The following RPS6KA2 variants were observed in gnomAD, a reference collection of about 807,000 sequenced individuals.
RPS6KA2 encodes ribosomal protein S6 kinase A2.
A neutral mutation model predicts 91.8 loss-of-function variants in RPS6KA2; 42 were observed. The ratio of observed to expected loss-of-function variants is 0.46; its 90% CI spans 0.36 to 0.59. The LOEUF is 0.59. RPS6KA2 is among the 20% of genes least tolerant of loss of function. The pLI is 0.00. For missense variants in RPS6KA2, 798 were observed against 978.5 expected, an observed-to-expected ratio of 0.82 and a Z score of 2.46; for synonymous variants, 414 against 393.6, an observed-to-expected ratio of 1.05 and a Z score of -0.61.
At chr6:166,670,476 T>A (rs759991962) in intron 2 of RPS6KA2, among the ~76,000 whole-genome samples, 20 of 152,232 alleles carry the variant, frequency 1.3e-4, no homozygotes, top group Non-Finnish European at 2.4e-4. Context: ...TGGGGGTAAT[T>A]TGTTATGTAC....
intron 2 of RPS6KA2, among the ~76,000 whole-genome samples, chr6:166,848,560 A>G (rs1025003628): frequency 1.3e-5 from 2 of 152,226 alleles, no homozygotes; most frequent in Admixed American, 6.5e-5. Flanking sequence ...ATACCATGGA[A>G]TACTACTCAG....
intron 2 of RPS6KA2, among the ~76,000 whole-genome samples, chr6:166,790,275 G>A (rs186868125): frequency 8.5e-5 from 13 of 152,270 alleles, no homozygotes; most frequent in Middle Eastern, 3.4e-3. Context: ...GATGGAAGAC[G>A]AAATGAATGA....
At chr6:166,764,024 A>C (rs1778239587) in intron 2 of RPS6KA2, among the ~76,000 whole-genome samples, 2 of 152,216 alleles carry the variant, frequency 1.3e-5, no homozygotes, top group Non-Finnish European at 2.9e-5. Flanking sequence ...GTTCGGCTAG[A>C]AAGAATGCGA....
At position 166,495,202 on chromosome 6, in the gene RPS6KA2, C is replaced by T. The variant is rs1043392518; in HGVS notation, c.747+3306G>A. Among the ~76,000 whole-genome samples the T allele has an allele frequency of 1.3e-5, 2 of 152,152 alleles. No homozygotes were observed. The highest frequency in any genetic ancestry group is 2.9e-5 in the Non-Finnish European group (2 of 68,038). On this transcript the variant is annotated intron_variant, in intron 8 of 20. Transcript: ENST00000265678. This position sits in a 1 kb window ranked among gnomAD's most constrained non-coding sequence, Gnocchi z 4.4. ...CAGAAAGAATACCGTCTTTCCTGCCCGGCTTGGAGATTGTTGGGTTGAGAT... is the reference window on the plus strand; with the variant it reads ...CAGAAAGAATACCGTCTTTCCTGCCTGGCTTGGAGATTGTTGGGTTGAGAT...
At chr6:166,677,043 T>C (rs1788639992) in intron 2 of RPS6KA2, among the ~76,000 whole-genome samples, 1 of 152,232 alleles carries the variant, frequency 6.6e-6, no homozygotes, top group African/African-American at 2.4e-5. Context: ...ATCTTCTGTT[T>C]CCAGTATGCT....
intron 3 of RPS6KA2, among the ~76,000 whole-genome samples, chr6:166,515,928 G>A (rs995278544): frequency 2.6e-5 from 4 of 152,146 alleles, no homozygotes; most frequent in Non-Finnish European, 4.4e-5. Context: ...CCTATGACCC[G>A]GAAGCCCCTT....
intron 2 of RPS6KA2, among the ~76,000 whole-genome samples, chr6:166,736,704 C>T (rs977536781): frequency 8.5e-5 from 13 of 152,126 alleles, no homozygotes; most frequent in Non-Finnish European, 1.6e-4. Flanking sequence ...GGCCGAGGGT[C>T]GCCACCCACC....
At chr6:166,832,254 C>G (rs1026141553) in intron 2 of RPS6KA2, among the ~76,000 whole-genome samples, 1 of 152,032 alleles carries the variant, frequency 6.6e-6, no homozygotes, top group African/African-American at 2.4e-5. Context: ...GGAGGAAGAG[C>G]TGAGTTAGGA....
At chr6:166,416,870 C>A (rs1382210966) in intron 19 of RPS6KA2, among the ~76,000 whole-genome samples, 3 of 151,934 alleles carry the variant, frequency 2.0e-5, no homozygotes, top group African/African-American at 7.3e-5. Context: ...TACACCATCA[C>A]CTCCATCATC....
At chr6:166,496,007 T>A (rs996569501) in intron 8 of RPS6KA2, among the ~76,000 whole-genome samples, 4 of 152,238 alleles carry the variant, frequency 2.6e-5, no homozygotes, top group Admixed American at 2.0e-4. Flanking sequence ...TCTGTTCTCC[T>A]ATTTCTTTTT....
intron 19 of RPS6KA2, among the ~76,000 whole-genome samples, chr6:166,416,197 T>C (rs1259576565): frequency 5.6e-4 from 84 of 150,904 alleles, no homozygotes; most frequent in African/African-American, 2.0e-3. Context: ...CCTTTCTCCA[T>C]CAACCCTACC....
intron 15 of RPS6KA2, 95 bp from the exon 16 acceptor site, chr6:166,430,706 A>T (rs1255566769): frequency 7.5e-7 from 1 of 1,332,604 alleles, no homozygotes; most frequent in African/African-American, 1.5e-5. Context: ...GTCAGAGGGG[A>T]GAGGCTGGGA....
chr6:166,738,374 G>A (rs75525756), intron 2 of RPS6KA2, among the ~76,000 whole-genome samples: 4,357 of 152,242 alleles, frequency 0.029, 185 homozygotes, highest in African/African-American at 0.097. Flanking sequence ...TTGAAGGAAG[G>A]CCTCGGGGGG....
intron 2 of RPS6KA2, among the ~76,000 whole-genome samples, chr6:166,854,180 G>A (rs1370878789): frequency 3.3e-5 from 5 of 152,158 alleles, no homozygotes; most frequent in African/African-American, 7.2e-5. Context: ...GGAGGAGGCC[G>A]TTCCCTCAGC....
intron 1 of RPS6KA2, among the ~76,000 whole-genome samples, chr6:166,605,533 A>G (rs935504024): frequency 2.0e-5 from 3 of 152,218 alleles, no homozygotes; most frequent in African/African-American, 7.2e-5. Flanking sequence ...CATGCTTCCT[A>G]TCTAGGCACG....
chr6:166,477,949 C>T (rs1450436201), intron 10 of RPS6KA2, among the ~76,000 whole-genome samples: 1 of 152,226 alleles, frequency 6.6e-6, no homozygotes, highest in Non-Finnish European at 1.5e-5. Flanking sequence ...CAAGACAAAG[C>T]GCTTCGATTG....
chr6:166,472,699 C>T (rs2235282), intron 10 of RPS6KA2, among the ~76,000 whole-genome samples: 51,072 of 152,020 alleles, frequency 0.34, 10,638 homozygotes, highest in African/African-American at 0.59. Context: ...ACTGAACCCA[C>T]TGGACAAATG....
At chr6:166,668,972 C>T (rs1361096311) in intron 2 of RPS6KA2, among the ~76,000 whole-genome samples, 2 of 151,462 alleles carry the variant, frequency 1.3e-5, no homozygotes, top group Admixed American at 1.3e-4. Flanking sequence ...CTCCCTGTAG[C>T]CTCGACCTCC....
chr6:166,622,273 T>C (rs7760613), intron 1 of RPS6KA2, among the ~76,000 whole-genome samples: 4,608 of 152,212 alleles, frequency 0.03, 227 homozygotes, highest in African/African-American at 0.11. Context: ...AGAAAGTATG[T>C]AATGAAATTC....
Sources: allele counts gnomAD v4.1 joint callset (sites outside exome capture counted in the v4.1 genomes callset), GRCh38; gene constraint gnomAD v4.1.1; non-coding constraint Gnocchi (gnomAD v3.1); transcripts MANE v1.5; gene names NCBI Gene and HGNC (gene_info 2026-07-23, HGNC 2026-07-21).